GCNT2: variants seen among roughly 807,000 people sequenced by gnomAD.
The protein encoded by GCNT2 is N-acetyllactosaminide beta-1,6-N-acetylglucosaminyl-transferase.
GCNT2 carries 34 observed loss-of-function variants against 34.2 expected under a neutral mutation model. That is an observed-to-expected ratio of 1.00 (90% CI 0.76 to 1.32). The LOEUF (loss-of-function observed/expected upper bound fraction) is 1.32, where lower values mean the gene tolerates loss of function less well. Ranked by LOEUF, GCNT2 falls within the 40% of genes most tolerant of loss-of-function variation. GCNT2 has a pLI of 0.00. For synonymous variants in GCNT2, 212 were observed against 188.0 expected (o/e 1.13, Z -1.04); for missense variants, 584 against 489.4 (o/e 1.19, Z -1.82).
At position 10,593,525 on chromosome 6, in the gene GCNT2, A is replaced by G. The variant is rs35742522; in HGVS notation, c.926-27826A>G. Among the ~76,000 whole-genome samples, 7 of 152,062 alleles carry G rather than the reference A, an allele frequency of 4.6e-5. No homozygotes were observed. In the East Asian group the frequency reaches 1.4e-3, roughly 29 times the overall value. On this transcript the variant is annotated intron_variant, in intron 3 of 4. Transcript: ENST00000495262. ...GCTCATTTTTAAATTTTGTGTAGAG[A>G]TGGGATCTCGATATGTTGCCCAGGC...
intron 3 of GCNT2, among the ~76,000 whole-genome samples, chr6:10,605,520 T>A (rs1377419638): frequency 6.6e-6 from 1 of 151,928 alleles, no homozygotes; most frequent in East Asian, 1.9e-4. Context: ...ATCTAGGATA[T>A]TTTAAAAAAA....
chr6:10,622,697 TTTCTC>T (rs1340339482), intron 4 of GCNT2, among the ~76,000 whole-genome samples: 3 of 151,850 alleles, frequency 2.0e-5, no homozygotes, highest in African/African-American at 7.3e-5. Flanking sequence ...GGTTTGGCCT[TTTCTC>T]TCTATGGCAA....
rs138444955 is a variant in GCNT2 at position 10,610,161 on chromosome 6, A to G, written c.926-11190A>G. Among the ~76,000 whole-genome samples the G allele has an allele frequency of 1.2e-4, 18 of 152,342 alleles. No homozygotes were observed. The East Asian group carries it at 2.5e-3, about 21-fold the overall frequency. On this transcript the variant is annotated intron_variant, in intron 3 of 4. Coordinates refer to ENST00000495262, the MANE Select transcript of GCNT2 (RefSeq NM_145649.5). ...AAAAGGTATGTGTTTGAGCAATGCT[A>G]TTATCAACCAGCTTGGAGAACTGCT...
chr6:10,585,888 G>T, intron 3 of GCNT2: 2 of 1,578,206 alleles, frequency 1.3e-6, no homozygotes, highest in Non-Finnish European at 1.7e-6. Context: ...CGGAGAAGCT[G>T]TCGAAATTCA....
intron 3 of GCNT2, among the ~76,000 whole-genome samples, chr6:10,617,178 C>T (rs1436556416): frequency 2.0e-5 from 3 of 152,180 alleles, no homozygotes; most frequent in Non-Finnish European, 4.4e-5. Flanking sequence ...TCAGACATGG[C>T]CGGCTGCAGG....
At chr6:10,523,738 C>T (rs1257958950) in intron 1 of GCNT2, among the ~76,000 whole-genome samples, 5 of 151,936 alleles carry the variant, frequency 3.3e-5, no homozygotes, top group African/African-American at 1.2e-4. Context: ...TTTGGGAGGC[C>T]GGGGTGGGCG....
chr6:10,578,165 T>C (rs984684712), intron 3 of GCNT2, among the ~76,000 whole-genome samples: 7 of 151,780 alleles, frequency 4.6e-5, no homozygotes, highest in African/African-American at 7.3e-5. Context: ...CCAAGGTAGG[T>C]GGATCACTTG....
At position 10,529,154 on chromosome 6, in the gene GCNT2, C is replaced by T. The variant is rs779839642; in HGVS notation, c.243C>T (p.Ser81=). Reference sequence around the variant, plus strand: ...CCTGCTATGAGTACATGGTTCGAAGCCACTATGTAACAGAAACACTCTCTG... The same window carrying T: ...CCTGCTATGAGTACATGGTTCGAAGTCACTATGTAACAGAAACACTCTCTG... The part of the protein sequence containing the change: ...EATCYEYMVR[S]HYVTETLSEE... The change falls in exon 3 of 5, where the codon AGC becomes AGT. Residue 81 remains serine, a synonymous_variant. Transcript: ENST00000495262. 3.7e-6 allele frequency: 6 copies of T among 1,613,998 alleles called. No homozygotes were observed. In the East Asian group the frequency reaches 6.7e-5, roughly 18 times the overall value.
At chr6:10,522,560 C>G (rs1561771431) in intron 1 of GCNT2, among the ~76,000 whole-genome samples, 1 of 152,176 alleles carries the variant, frequency 6.6e-6, no homozygotes, top group Non-Finnish European at 1.5e-5. Flanking sequence ...GGGGACCCTA[C>G]AGCGTAAAGG....
rs1761356345 is a variant in GCNT2, at chr6:10,529,275, A to G, written c.364A>G (p.Asn122Asp). 1 of 1,614,140 alleles carries G rather than the reference A, an allele frequency of 6.2e-7. No individual in the cohort carries two copies. The highest frequency in any genetic ancestry group is 8.5e-7 in the Non-Finnish European group (1 of 1,180,012). ...RLFRAIYMPQ[N>D]VYCVHLDQKA... is the part of the protein sequence containing the mutation. ...CTTCAGGGCGATTTATATGCCCCAA[A>G]ATGTCTACTGTGTGCACCTGGATCA... Residue 122 changes from asparagine (N) to aspartate (D), a missense_variant, in exon 3 of 5, where the codon AAT (asparagine) becomes GAT (aspartate). Transcript: ENST00000495262.
intron 3 of GCNT2, among the ~76,000 whole-genome samples, chr6:10,537,558 G>A (rs993030104): frequency 4.0e-5 from 6 of 151,782 alleles, no homozygotes; most frequent in Non-Finnish European, 5.9e-5. Flanking sequence ...AAAATTAGCC[G>A]GGCGTGGTGG....
chr6:10,580,744 T>C (rs1253225695), intron 3 of GCNT2, among the ~76,000 whole-genome samples: 1 of 152,172 alleles, frequency 6.6e-6, no homozygotes, highest in African/African-American at 2.4e-5. Context: ...TCAGCCTTTG[T>C]AAACTCACCT....
chr6:10,549,959 G>T (rs144394441), intron 3 of GCNT2, among the ~76,000 whole-genome samples: 2 of 152,076 alleles, frequency 1.3e-5, no homozygotes, highest in Non-Finnish European at 1.5e-5. Flanking sequence ...CCACCAATTA[G>T]TTTTCCATAG....
Position 10,529,261 on chromosome 6 carries a change from T to C in GCNT2, c.350T>C (p.Ile117Thr). Residue 117 changes from isoleucine (I) to threonine (T), a missense_variant, in exon 3 of 5, where the codon ATT (isoleucine) becomes ACT (threonine). Coordinates refer to ENST00000495262, the MANE Select transcript of GCNT2 (RefSeq NM_145649.5). The part of the protein sequence containing the change: ...FGTFERLFRA[I>T]YMPQNVYCVH... ...ACTTTTGAGAGGCTCTTCAGGGCGA[T>C]TTATATGCCCCAAAATGTCTACTGT... is the stretch of plus-strand genomic sequence containing the variant. The C allele has an allele frequency of 1.9e-6, 3 of 1,614,110 alleles. No homozygotes were observed. The highest frequency in any genetic ancestry group is 2.5e-6 in the Non-Finnish European group (3 of 1,180,000).
chr6:10,537,698 C>CAAAAAAAAAAAAAAAAA (rs201257236), intron 3 of GCNT2, among the ~76,000 whole-genome samples: 6 of 83,228 alleles, frequency 7.2e-5, no homozygotes, highest in African/African-American at 1.7e-4. Context: ...GATTCTGCCG[C>CAAAAAAAAAAAAAAAAA]AAAAAAAAAA....
At position 10,592,131 on chromosome 6, in the gene GCNT2, A is replaced by G. The variant is rs566506302; in HGVS notation, c.926-29220A>G. Among the ~76,000 whole-genome samples the G allele has an allele frequency of 2.4e-3, 356 of 148,642 alleles. 4 individuals carry two copies. Among genetic ancestry groups the G allele is most frequent in the Non-Finnish European group, 2.5e-3 (167 of 66,066 alleles). ...GGACGTTCGAGTCTAAAATAACGCT[A>G]CTTGGGGGGGCTGGAGGACAATCCA... On this transcript the variant is annotated intron_variant, in intron 3 of 4. Coordinates refer to ENST00000495262, the MANE Select transcript of GCNT2 (RefSeq NM_145649.5).
At position 10,544,446 on chromosome 6, in the gene GCNT2, C is replaced by T. The variant is rs149352502; in HGVS notation, c.925+14610C>T. 1.6e-3 allele frequency among the ~76,000 whole-genome samples: 232 copies of T among 141,898 alleles called. 1 individual carries two copies. Among genetic ancestry groups the T allele is most frequent in the African/African-American group, 5.6e-3 (214 of 38,266 alleles). 93.1% of individuals were successfully genotyped at this position (141,898 alleles called of 152,430 possible). ...GGTGAAACCCCATCTCTACTAAAAA[C>T]GCAAAAAAATTAGCAGGGCGTGGTG... On this transcript the variant is annotated intron_variant, in intron 3 of 4. Coordinates refer to ENST00000495262, the MANE Select transcript of GCNT2 (RefSeq NM_145649.5).
intron 3 of GCNT2, chr6:10,557,042 G>C (rs774692478): frequency 6.2e-7 from 1 of 1,612,310 alleles, no homozygotes; most frequent in Non-Finnish European, 8.5e-7. Context: ...GTATCTGAAA[G>C]GATTTAAAGG....
chr6:10,569,600 G>T (rs1185407543), intron 3 of GCNT2, among the ~76,000 whole-genome samples: 1 of 152,216 alleles, frequency 6.6e-6, no homozygotes, highest in Non-Finnish European at 1.5e-5. Context: ...TTTTGGGAAT[G>T]CTTCTCATGC....
Sources: gnomAD v4.1 joint callset for allele counts (sites outside exome capture counted in the v4.1 genomes callset) on GRCh38, gnomAD v4.1.1 for gene constraint, MANE v1.5 for transcripts, NCBI Gene and HGNC (gene_info 2026-07-23, HGNC 2026-07-21) for gene names.